PLCH1: variants seen among roughly 807,000 people sequenced by gnomAD.
PLCH1 encodes 1-phosphatidylinositol 4,5-bisphosphate phosphodiesterase eta-1.
In PLCH1, 60 loss-of-function variants were observed where a neutral mutation model predicts 126.7. The observed-to-expected ratio is 0.47, with a 90% confidence interval of 0.38 to 0.59. PLCH1 has a LOEUF of 0.59. Among genes scored for constraint, PLCH1 ranks in the 20% least tolerant of loss-of-function variants. The pLI is 0.00. For missense variants in PLCH1, 1,723 were observed against 2,040.0 expected (o/e 0.84, Z 2.99); for synonymous variants, 719 against 734.9 (o/e 0.98, Z 0.35).
At chr3:155,684,300 T>A (rs1744770859) in intron 2 of PLCH1, among the ~76,000 whole-genome samples, 1 of 152,100 alleles carries the variant, frequency 6.6e-6, no homozygotes, top group East Asian at 1.9e-4. Flanking sequence ...AGAAGATGAT[T>A]CTAGATTATT....
chr3:155,582,593 G>A (rs1010380436), intron 6 of PLCH1, among the ~76,000 whole-genome samples: 5 of 152,072 alleles, frequency 3.3e-5, no homozygotes, highest in Non-Finnish European at 2.9e-5. Context: ...AATATTTGAT[G>A]ATTTTTTACA....
At chr3:155,468,367 G>GA (rs1180749865) in intron 21 of PLCH1, among the ~76,000 whole-genome samples, 3 of 152,112 alleles carry the variant, frequency 2.0e-5, no homozygotes, top group Non-Finnish European at 4.4e-5. Context: ...AAAACAACCA[G>GA]AAAACGAACA....
At chr3:155,474,954 C>T (rs1284811529), downstream of PLCH1, among the ~76,000 whole-genome samples, 1 of 128,816 alleles carries the variant, frequency 7.8e-6, no homozygotes, top group African/African-American at 3.0e-5. Context: ...GGAGGGATAG[C>T]ATTGGGAGAT....
At chr3:155,576,002 T>G (rs1403399508) in intron 6 of PLCH1, among the ~76,000 whole-genome samples, 1 of 152,128 alleles carries the variant, frequency 6.6e-6, no homozygotes, top group Non-Finnish European at 1.5e-5. Context: ...CTCTTCCTTC[T>G]TCCTCAATCC....
At chr3:155,676,067 G>T (rs1433999207) in intron 2 of PLCH1, 2 of 1,499,304 alleles carry the variant, frequency 1.3e-6, no homozygotes, top group East Asian at 2.5e-5. Context: ...CACATTATTG[G>T]CAAGAGCAGT....
chr3:155,564,831 C>T, intron 8 of PLCH1, 84 bp downstream of exon 8: 1 of 825,002 alleles, frequency 1.2e-6, no homozygotes, highest in Admixed American at 1.9e-5. Context: ...TGTTTTAGGT[C>T]TCCATTCTTT....
At chr3:155,549,075 A>C (rs1014044323) in intron 10 of PLCH1, among the ~76,000 whole-genome samples, 2 of 152,208 alleles carry the variant, frequency 1.3e-5, no homozygotes, top group African/African-American at 4.8e-5. Flanking sequence ...GTGGCCACCC[A>C]AGGTGGTTTT....
chr3:155,542,868 C>T (rs538967308), intron 10 of PLCH1, among the ~76,000 whole-genome samples: 1,903 of 152,106 alleles, frequency 0.013, 23 homozygotes, highest in Middle Eastern at 0.041. Flanking sequence ...AAAGGACATC[C>T]ACACCAAAAA....
chr3:155,515,339 T>G (rs909525833), intron 11 of PLCH1, among the ~76,000 whole-genome samples: 2 of 152,236 alleles, frequency 1.3e-5, no homozygotes, highest in Non-Finnish European at 2.9e-5. Context: ...GGAAACTAAG[T>G]TTTCTAAACC....
intron 2 of PLCH1, among the ~76,000 whole-genome samples, chr3:155,603,470 T>C (rs1448564190): frequency 6.6e-6 from 1 of 152,192 alleles, no homozygotes; most frequent in Non-Finnish European, 1.5e-5. Context: ...ATCTAGTTTA[T>C]GGCATGGCAG....
chr3:155,635,996 A>C (rs1026449599), intron 2 of PLCH1, among the ~76,000 whole-genome samples: 14 of 152,226 alleles, frequency 9.2e-5, no homozygotes, highest in African/African-American at 3.4e-4. Flanking sequence ...TACTCTAATC[A>C]TCATAAACGC....
chr3:155,454,862 C>T (rs1372810171), intron 21 of PLCH1, among the ~76,000 whole-genome samples: 2 of 152,030 alleles, frequency 1.3e-5, no homozygotes, highest in South Asian at 2.1e-4. Context: ...CAGAGTAGGC[C>T]CAGTTTGGGC....
chr3:155,636,318 CTGT>C (rs1163322398), intron 2 of PLCH1, among the ~76,000 whole-genome samples: 4 of 152,078 alleles, frequency 2.6e-5, no homozygotes, highest in East Asian at 1.9e-4. Flanking sequence ...GTTGTTGTTG[CTGT>C]TGTTGTTGTT....
rs142050223 is a variant in PLCH1 at position 155,548,257 on chromosome 3, G to A, written c.1362+1530C>T. On this transcript the variant is annotated intron_variant, in intron 10 of 22. Coordinates refer to ENST00000460012, the MANE Select transcript of PLCH1 (RefSeq NM_014996.4). ...GATAGTAAAGGAACACAATAAATCAGTTGCCTTGTTTTTGCTTTAAATGGG... is the reference window on the plus strand; with the variant it reads ...GATAGTAAAGGAACACAATAAATCAATTGCCTTGTTTTTGCTTTAAATGGG... Among the ~76,000 whole-genome samples the A allele has an allele frequency of 2.2e-3, 332 of 152,294 alleles. 1 individual carries two copies. Among genetic ancestry groups the A allele is most frequent in the Non-Finnish European group, 3.0e-3 (203 of 68,014 alleles).
intron 1 of PLCH1, among the ~76,000 whole-genome samples, chr3:155,720,453 C>T (rs1164637009): frequency 6.6e-6 from 1 of 152,178 alleles, no homozygotes; most frequent in Non-Finnish European, 1.5e-5. Flanking sequence ...TTTTGATTTG[C>T]ATTTCCCTGA....
chr3:155,473,440 G>A (rs1316206233), intron 21 of PLCH1, among the ~76,000 whole-genome samples: 7 of 149,924 alleles, frequency 4.7e-5, no homozygotes, highest in South Asian at 2.1e-4. Flanking sequence ...ACAAACAAAC[G>A]GAAGAACATT....
At chr3:155,466,078 G>A (rs1274621067) in intron 21 of PLCH1, among the ~76,000 whole-genome samples, 4 of 152,192 alleles carry the variant, frequency 2.6e-5, no homozygotes, top group African/African-American at 9.6e-5. Flanking sequence ...CTGAAAGGTG[G>A]GACCCAGGCA....
intron 1 of PLCH1, among the ~76,000 whole-genome samples, chr3:155,741,696 T>TTTTTTTTTA (rs1559977244): frequency 1.5e-4 from 22 of 146,200 alleles, no homozygotes; most frequent in African/African-American, 5.3e-4. Context: ...TTTTTTTTTT[T>TTTTTTTTTA]TTTTTTTTGT....
At chr3:155,602,681 T>C (rs1277998133) in intron 2 of PLCH1, among the ~76,000 whole-genome samples, 2 of 152,200 alleles carry the variant, frequency 1.3e-5, no homozygotes, top group African/African-American at 4.8e-5. Context: ...TGGTAAATAT[T>C]TGTGTATCTA....
Sources: allele counts gnomAD v4.1 joint callset (sites outside exome capture counted in the v4.1 genomes callset), GRCh38; gene constraint gnomAD v4.1.1; transcripts MANE v1.5; gene names NCBI Gene and HGNC (gene_info 2026-07-23, HGNC 2026-07-21).